Variants in OR10G4 observed in about 807,000 individuals in gnomAD.
OR10G4 encodes the protein olfactory receptor family 10 subfamily G member 4.
For missense variants in OR10G4, 318 were observed against 388.8 expected, an observed-to-expected ratio of 0.82 and a Z score of 1.53; for synonymous variants, 130 against 159.3, an observed-to-expected ratio of 0.82 and a Z score of 1.39.
In OR10G4 at chr11:124,015,700, C is replaced by T. The variant is rs142498161; in HGVS notation, c.126C>T (p.Leu42=). 3.5e-5 allele frequency: 57 copies of T among 1,610,034 alleles called. No homozygotes were observed. In the African/African-American group the frequency reaches 6.8e-4, roughly 19 times the overall value. The change falls in exon 2 of 2, where the codon CTC becomes CTT. Residue 42 remains leucine (L), a synonymous_variant. Transcript: ENST00000641722. ...VYVLTVLGNL[L]ILLVIRVDSH... is the part of the protein sequence containing the mutation. Reference sequence around the variant, plus strand: ...TGCTCACTGTGCTGGGGAACCTCCTCATCCTGCTGGTGATCAGGGTGGATT... The same window carrying T: ...TGCTCACTGTGCTGGGGAACCTCCTTATCCTGCTGGTGATCAGGGTGGATT...
rs778310267 is a variant in OR10G4 at position 124,016,089 on chromosome 11, A to G, written c.515A>G (p.Gln172Arg). 1.4e-4 allele frequency: 227 copies of G among 1,613,586 alleles called. No homozygotes were observed. The highest frequency in any genetic ancestry group is 3.3e-4 in the Middle Eastern group (2 of 6,078). ...TFHLPYCGPN[Q>R]IQHYFCDAPP... ...CATTTGCCCTACTGTGGACCCAACC[A>G]GATCCAGCACTACTTCTGTGACGCA... is the stretch of plus-strand genomic sequence containing the variant. The change falls in exon 2 of 2, where the codon CAG becomes CGG. Residue 172 changes from glutamine (Q) to arginine (R), a missense_variant. Gln to Arg is a conservative substitution (Grantham distance 43). Coordinates refer to ENST00000641722, the MANE Select transcript of OR10G4 (RefSeq NM_001004462.2).
rs1456369421 is a variant in OR10G4, at chr11:124,017,126, CTATTT to C, written c.*619_*623del. 1.3e-5 allele frequency: 2 copies of C among 152,054 alleles called. No homozygotes were observed. Among genetic ancestry groups the C allele is most frequent in the Non-Finnish European group, 2.9e-5 (2 of 68,018 alleles). The allele number at this position is 152,054 out of a possible 1,614,324, so 9.4% of individuals were successfully genotyped here. ...ATATCTGAAAACATTTCTAGAAACACTATTTTAATTGGCAAGAATAGCTAGCTATT... is the reference window on the plus strand; with the variant it reads ...ATATCTGAAAACATTTCTAGAAACACTAATTGGCAAGAATAGCTAGCTATT... On this transcript the variant is annotated 3_prime_UTR_variant, in exon 2 of 2. Coordinates refer to ENST00000641722, the MANE Select transcript of OR10G4 (RefSeq NM_001004462.2).
chr11:124,016,900 T>C lies in OR10G4; in HGVS notation c.*390T>C, dbSNP rs1345059983. On this transcript the variant is annotated 3_prime_UTR_variant, in exon 2 of 2. Coordinates refer to ENST00000641722, the MANE Select transcript of OR10G4 (RefSeq NM_001004462.2). ...GACATAGTTCAAAACCAGCAACAAA[T>C]ATTATTCAAAACCAGCAAAAAATAT... 1 of 157,838 alleles carries C rather than the reference T, an allele frequency of 6.3e-6. No homozygotes were observed. The highest frequency in any genetic ancestry group is 1.4e-5 in the Non-Finnish European group (1 of 71,876). The allele number at this position is 157,838 out of a possible 1,614,324, so 9.8% of individuals were successfully genotyped here.
Position 124,015,991 on chromosome 11 carries a change from G to C in OR10G4, c.417G>C (p.Arg139Ser). 1 of 1,614,034 alleles carries C rather than the reference G, an allele frequency of 6.2e-7. No individual in the cohort carries two copies. Reference sequence around the variant, plus strand: ...ACACCAGCATGATGAGTGGGAGCAGGTGTGCCCTCCTGGCCACCGGCACTT... The same window carrying C: ...ACACCAGCATGATGAGTGGGAGCAGCTGTGCCCTCCTGGCCACCGGCACTT... Reference protein sequence around the residue: ...LRYTSMMSGSRCALLATGTWL... With the variant: ...LRYTSMMSGSSCALLATGTWL... Residue 139 changes from arginine to serine, a missense_variant, in exon 2 of 2, where the codon AGG (arginine) becomes AGC (serine). Coordinates refer to ENST00000641722, the MANE Select transcript of OR10G4 (RefSeq NM_001004462.2).
rs763194682 is a variant in OR10G4 at position 124,015,656 on chromosome 11, A to C, written c.82A>C (p.Ile28Leu). The change falls in exon 2 of 2, where the codon ATC (isoleucine) becomes CTC (leucine). Residue 28 changes from isoleucine (I) to leucine (L), a missense_variant. Ile to Leu is a conservative substitution (Grantham distance 5). Coordinates refer to ENST00000641722, the MANE Select transcript of OR10G4 (RefSeq NM_001004462.2). ...APGLDALLFG[I>L]FLVVYVLTVL... ...AGGGCTGGACGCCCTCCTCTTTGGA[A>C]TCTTCCTGGTGGTTTACGTGCTCAC... is the stretch of plus-strand genomic sequence containing the variant. 6.2e-7 allele frequency: 1 copy of C among 1,606,948 alleles called. No homozygotes were observed. The highest frequency in any genetic ancestry group is 1.1e-5 in the South Asian group (1 of 90,282).
Position 124,016,186 on chromosome 11 carries a change from A to G in OR10G4, c.612A>G (p.Ile204Met), listed in dbSNP as rs976530555. Residue 204 changes from isoleucine to methionine, a missense_variant, in exon 2 of 2, where the codon ATA becomes ATG. Ile to Met is a conservative substitution (Grantham distance 10, BLOSUM62 1). Transcript: ENST00000641722. Reference protein sequence around the residue: ...NVMVIFVDIGIVASGCFVLIV... With the variant: ...NVMVIFVDIGMVASGCFVLIV... ...TGGTCATCTTTGTGGACATTGGGAT[A>G]GTGGCCTCAGGCTGCTTTGTCCTGA... 1.2e-6 allele frequency: 2 copies of G among 1,614,104 alleles called. No individual in the cohort carries two copies. The highest frequency in any genetic ancestry group is 8.5e-7 in the Non-Finnish European group (1 of 1,180,046).
At chr11:124,013,714 A>G (rs1276583022) in intron 1 of OR10G4, among the ~76,000 whole-genome samples, 1 of 152,200 alleles carries the variant, frequency 6.6e-6, no homozygotes, top group African/African-American at 2.4e-5. Flanking sequence ...AACATTTTGT[A>G]TGCAGTTAAA....
rs4936880 is a variant in OR10G4, at chr11:124,016,277, A to T, written c.703A>T (p.Arg235Ter). Residue 235 changes from arginine to a stop codon, truncating the protein, a stop_gained, in exon 2 of 2, where the codon AGA (arginine) becomes TGA (stop). Coordinates refer to ENST00000641722, the MANE Select transcript of OR10G4 (RefSeq NM_001004462.2). LOFTEE classifies it low-confidence loss of function (END_TRUNC). ...LRIRTSDGRR[R>*]AFQTCASHCI... is the part of the protein sequence containing the mutation. ...GATCCGCACCTCAGATGGGAGGCGC[A>T]GAGCCTTTCAGACCTGTGCCTCCCA... The T allele has an allele frequency of 1.2e-6, 2 of 1,613,888 alleles. No individual in the cohort carries two copies. The highest frequency in any genetic ancestry group is 8.5e-7 in the Non-Finnish European group (1 of 1,179,946).
Position 124,016,083 on chromosome 11 carries a change from C to A in OR10G4, c.509C>A (p.Pro170His), listed in dbSNP as rs976899543. The A allele has an allele frequency of 1.9e-6, 3 of 1,613,876 alleles. No homozygotes were observed. Among genetic ancestry groups the A allele is most frequent in the Middle Eastern group, 1.7e-4 (1 of 6,056 alleles). ...ACTTTCCATTTGCCCTACTGTGGAC[C>A]CAACCAGATCCAGCACTACTTCTGT... ...ILTFHLPYCG[P>H]NQIQHYFCDA... Residue 170 changes from proline to histidine, a missense_variant, in exon 2 of 2, where the codon CCC becomes CAC. By Grantham distance (77) the Pro-to-His change is moderately conservative. Coordinates refer to ENST00000641722, the MANE Select transcript of OR10G4 (RefSeq NM_001004462.2).
In OR10G4 at chr11:124,015,538, A is replaced by T. The variant is rs750794297; in HGVS notation, c.-27-10A>T. 1.3e-6 allele frequency: 2 copies of T among 1,596,446 alleles called. 1 individual carries two copies. On this transcript the variant is annotated splice_polypyrimidine_tract_variant and intron_variant, in intron 1 of 1. Transcript: ENST00000641722. ...AAGTGCTAAATGCTGGGTGCTCTTTATATCCCCAGAGGGAGAGAGACCAAG... is the reference window on the plus strand; with the variant it reads ...AAGTGCTAAATGCTGGGTGCTCTTTTTATCCCCAGAGGGAGAGAGACCAAG...
chr11:124,015,562 AG>A lies in OR10G4; in HGVS notation c.-10del, dbSNP rs757170801. Reference sequence around the variant, plus strand: ...TATATCCCCAGAGGGAGAGAGACCAAGGGTGAGAAGAAATGTCCAACGCCAG... The same window carrying A: ...TATATCCCCAGAGGGAGAGAGACCAAGGTGAGAAGAAATGTCCAACGCCAG... On this transcript the variant is annotated 5_prime_UTR_variant, in exon 2 of 2. The change creates a premature stop within an existing upstream ORF in the 5' untranslated region. Coordinates refer to ENST00000641722, the MANE Select transcript of OR10G4 (RefSeq NM_001004462.2). 24 of 1,607,368 alleles carry A rather than the reference AG, an allele frequency of 1.5e-5. No individual in the cohort carries two copies. In the South Asian group the frequency reaches 2.5e-4, roughly 17 times the overall value.
At chr11:124,014,834 G>A (rs756398295) in intron 1 of OR10G4, 2 of 152,164 alleles carry the variant, frequency 1.3e-5, no homozygotes, top group Non-Finnish European at 2.9e-5. Flanking sequence ...GCCCACTGGT[G>A]TACATTTCCT....
In OR10G4 at chr11:124,016,218, T is replaced by G. The variant is rs1441384630; in HGVS notation, c.644T>G (p.Leu215Arg). 6.2e-7 allele frequency: 1 copy of G among 1,614,236 alleles called. No individual in the cohort carries two copies. Among genetic ancestry groups the G allele is most frequent in the Non-Finnish European group, 8.5e-7 (1 of 1,180,038 alleles). ...TCAGGCTGCTTTGTCCTGATAGTGC[T>G]GTCCTATGTGTCCATCGTCTGTTCC... ...VASGCFVLIV[L>R]SYVSIVCSIL... The change falls in exon 2 of 2, where the codon CTG (leucine) becomes CGG (arginine). Residue 215 changes from leucine to arginine, a missense_variant. Transcript: ENST00000641722.
intron 1 of OR10G4, among the ~76,000 whole-genome samples, chr11:124,014,698 T>A (rs528433225): frequency 8.5e-5 from 13 of 152,238 alleles, no homozygotes; most frequent in Non-Finnish European, 1.5e-5. Flanking sequence ...AACTAGTGGA[T>A]AATTTATGTG....
rs11219407 is a variant in OR10G4, at chr11:124,015,601, A to G, written c.27A>G (p.Ala9=). MSNASLVT[A]FILTGLPHAP... ...TGTCCAACGCCAGCCTCGTGACAGC[A>G]TTCATCCTCACAGGCCTTCCCCATG... The change falls in exon 2 of 2, where the codon GCA becomes GCG. Residue 9 remains alanine (A), a synonymous_variant. Transcript: ENST00000641722. 0.75 allele frequency: 1,165,432 copies of G among 1,547,736 alleles called. 448,975 individuals are homozygous for G. Among genetic ancestry groups the G allele is most frequent in the Admixed American group, 0.83 (46,600 of 56,204 alleles).
In OR10G4 at chr11:124,017,947, T is replaced by C. The variant is rs930537522; in HGVS notation, c.*1437T>C. ...CAGAGTAAAGAAATAGACTGATACATATTCGTATGACAAAGATGACACTGC... is the reference window on the plus strand; with the variant it reads ...CAGAGTAAAGAAATAGACTGATACACATTCGTATGACAAAGATGACACTGC... On this transcript the variant is annotated 3_prime_UTR_variant, in exon 2 of 2. Transcript: ENST00000641722. The C allele has an allele frequency of 3.9e-5, 6 of 152,204 alleles. No homozygotes were observed. The highest frequency in any genetic ancestry group is 1.4e-4 in the African/African-American group (6 of 41,458). The allele number at this position is 152,204 out of a possible 1,614,324, so 9.4% of individuals were successfully genotyped here. A position where few individuals can be genotyped will look rare whatever the true frequency, so the allele number is the denominator to read the frequency against.
chr11:124,015,357 G>A lies in OR10G4; in HGVS notation c.-27-191G>A, dbSNP rs190326214. 125 of 614,978 alleles carry A rather than the reference G, an allele frequency of 2.0e-4. No homozygotes were observed. In the East Asian group the frequency reaches 3.2e-3, roughly 16 times the overall value. The allele number at this position is 614,978 out of a possible 1,614,324, so 38.1% of individuals were successfully genotyped here. A position where few individuals can be genotyped will look rare whatever the true frequency, so the allele number is the denominator to read the frequency against. On this transcript the variant is annotated intron_variant, in intron 1 of 1. Coordinates refer to ENST00000641722, the MANE Select transcript of OR10G4 (RefSeq NM_001004462.2). The stretch of plus-strand genomic sequence containing the variant: ...CTTCTGCATGTGTGTCTCTGTGTGT[G>A]TGCACCTGTGTGCATGTGTGTGAGA...
chr11:124,014,508 A>T (rs1187985440), intron 1 of OR10G4, among the ~76,000 whole-genome samples: 2 of 152,144 alleles, frequency 1.3e-5, no homozygotes, highest in African/African-American at 4.8e-5. Context: ...TTCGGCTCAC[A>T]CATGGTGTGC....
At position 124,018,052 on chromosome 11, in the gene OR10G4, G is replaced by A. The variant is rs185943464; in HGVS notation, c.*1542G>A. 6.6e-6 allele frequency: 1 copy of A among 152,006 alleles called. No individual in the cohort carries two copies. The highest frequency in any genetic ancestry group is 1.5e-5 in the Non-Finnish European group (1 of 67,996). 9.4% of individuals were successfully genotyped at this position (152,006 alleles called of 1,614,324 possible). A position where few individuals can be genotyped will look rare whatever the true frequency, so the allele number is the denominator to read the frequency against. On this transcript the variant is annotated 3_prime_UTR_variant, in exon 2 of 2. Coordinates refer to ENST00000641722, the MANE Select transcript of OR10G4 (RefSeq NM_001004462.2). ...ATTCAGAATAAAAAAAATTAGTCTCGATCCTATTTCATACTATACACATAA... is the reference window on the plus strand; with the variant it reads ...ATTCAGAATAAAAAAAATTAGTCTCAATCCTATTTCATACTATACACATAA...
Sources: allele counts gnomAD v4.1 joint callset (sites outside exome capture counted in the v4.1 genomes callset), GRCh38; gene constraint gnomAD v4.1.1; transcripts MANE v1.5; gene names NCBI Gene and HGNC (gene_info 2026-07-23, HGNC 2026-07-21).